Variants in VPS52 observed in about 807,000 individuals in gnomAD.
VPS52 encodes the protein VPS52 subunit of GARP complex.
VPS52 carries 56 observed loss-of-function variants against 98.7 expected under a neutral mutation model. The observed-to-expected ratio is 0.57, with a 90% CI of 0.46 to 0.71. The LOEUF (loss-of-function observed/expected upper bound fraction) is 0.71, where lower values mean the gene tolerates loss of function less well. VPS52 is among the 30% of genes least tolerant of loss of function. The pLI is 0.00. For missense variants in VPS52, 742 were observed against 925.9 expected (o/e 0.80, Z 2.58); for synonymous variants, 348 against 346.4 (o/e 1.00, Z -0.05).
In VPS52 at chr6:33,268,305, G is replaced by T; in HGVS notation, c.700-97C>A. 7.2e-7 allele frequency: 1 copy of T among 1,383,676 alleles called. No homozygotes were observed. Among genetic ancestry groups the T allele is most frequent in the Non-Finnish European group, 1.0e-6 (1 of 982,794 alleles). The allele number at this position is 1,383,676 out of a possible 1,614,324, so 85.7% of individuals were successfully genotyped here. A position where few individuals can be genotyped will look rare whatever the true frequency, so the allele number is the denominator to read the frequency against. ...CAACAAATGGTAAACATAGGCAGAAGGGTGGTGAATATCTCTTTGGTATTT... is the reference window on the plus strand; with the variant it reads ...CAACAAATGGTAAACATAGGCAGAATGGTGGTGAATATCTCTTTGGTATTT... On this transcript the variant is annotated intron_variant, in intron 7 of 19. Coordinates refer to ENST00000445902, the MANE Select transcript of VPS52 (RefSeq NM_022553.6). The surrounding 1 kb of genome is among the most constrained non-coding windows in gnomAD (Gnocchi z 4.0).
chr6:33,267,041 G>T lies in VPS52; in HGVS notation c.1125+147C>A. The T allele has an allele frequency of 1.7e-6, 2 of 1,178,572 alleles. No homozygotes were observed. The highest frequency in any genetic ancestry group is 2.3e-6 in the Non-Finnish European group (2 of 871,786). The allele number at this position is 1,178,572 out of a possible 1,614,324, so 73.0% of individuals were successfully genotyped here. A position where few individuals can be genotyped will look rare whatever the true frequency, so the allele number is the denominator to read the frequency against. Reference sequence around the variant, plus strand: ...TCCCAGCTCTTTTCACATCACAGCAGGCTGGAGTGATTGGAGAAGGCCACT... The same window carrying T: ...TCCCAGCTCTTTTCACATCACAGCATGCTGGAGTGATTGGAGAAGGCCACT... On this transcript the variant is annotated intron_variant, in intron 11 of 19. Transcript: ENST00000445902. This position sits in a 1 kb window ranked among gnomAD's most constrained non-coding sequence, Gnocchi z 4.2.
At chr6:33,252,081 C>T (rs1206798401) in intron 17 of VPS52, 110 bp from the exon 18 acceptor site, 7 of 875,810 alleles carry the variant, frequency 8.0e-6, no homozygotes, top group Non-Finnish European at 1.2e-5. Context: ...TCAGCTGCTG[C>T]AAAAGTTAAG....
In VPS52 at chr6:33,267,327, A is replaced by G; in HGVS notation, c.992-6T>C. 6.4e-7 allele frequency: 1 copy of G among 1,574,610 alleles called. No individual in the cohort carries two copies. Among genetic ancestry groups the G allele is most frequent in the East Asian group, 2.3e-5 (1 of 44,240 alleles). On this transcript the variant is annotated splice_polypyrimidine_tract_variant and splice_region_variant and intron_variant, in intron 10 of 19. Transcript: ENST00000445902. This position sits in a 1 kb window ranked among gnomAD's most constrained non-coding sequence, Gnocchi z 4.2. The stretch of plus-strand genomic sequence containing the variant: ...CGATGGCTTTGAGAAGAATCGTAAG[A>G]TGGGTCAGAGTCAGGGAAAACAATG...
At chr6:33,266,828 G>A (rs554306581) in intron 11 of VPS52, 116 bp from the exon 12 acceptor site, 2 of 1,333,996 alleles carry the variant, frequency 1.5e-6, no homozygotes, top group Non-Finnish European at 1.0e-6. Context: ...CAGACCCTTC[G>A]CATCTATCTA....
chr6:33,262,063 AAAG>A (rs1157374783), intron 17 of VPS52, among the ~76,000 whole-genome samples: 4 of 150,734 alleles, frequency 2.7e-5, no homozygotes, highest in Non-Finnish European at 1.5e-5. Flanking sequence ...AAAAAAAAAA[AAAG>A]CTTCTGCACA....
Position 33,271,807 on chromosome 6 carries a change from G to A in VPS52, c.-132C>T. Reference sequence around the variant, plus strand: ...ATTTGAGTTAAGTTGTTTGACTCCAGCTGTCCCCTTTCAGCTCTAACCACT... The same window carrying A: ...ATTTGAGTTAAGTTGTTTGACTCCAACTGTCCCCTTTCAGCTCTAACCACT... On this transcript the variant is annotated 5_prime_UTR_variant, in exon 1 of 20. Transcript: ENST00000445902. The A allele has an allele frequency of 6.9e-7, 1 of 1,452,740 alleles. No homozygotes were observed. The allele number at this position is 1,452,740 out of a possible 1,614,324, so 90.0% of individuals were successfully genotyped here.
At position 33,269,189 on chromosome 6, in the gene VPS52, G is replaced by A. The variant is rs148755872; in HGVS notation, c.373C>T (p.Arg125Ter). 6.2e-6 allele frequency: 10 copies of A among 1,612,896 alleles called. No homozygotes were observed. Among genetic ancestry groups the A allele is most frequent in the African/African-American group, 2.7e-5 (2 of 74,930 alleles). ...QITACDAVLE[R>*]MEQMLGAFQS... ...AAAGCTCCCAACATCTGCTCCATTC[G>A]CTGTAGGGAGGGTAGATGTTGCCGG... is the stretch of plus-strand genomic sequence containing the variant. Residue 125 changes from arginine to a stop codon, truncating the protein, a stop_gained and splice_region_variant, in exon 6 of 20, where the codon CGA becomes TGA. Coordinates refer to ENST00000445902, the MANE Select transcript of VPS52 (RefSeq NM_022553.6). LOFTEE classifies it high-confidence loss of function.
chr6:33,264,172 T>TA, intron 14 of VPS52, 69 bp from the exon 15 acceptor site: 2 of 1,582,724 alleles, frequency 1.3e-6, no homozygotes, highest in African/African-American at 1.3e-5. Context: ...CCAACTTCCT[T>TA]AGCCAACCCA....
At chr6:33,266,427 C>G in intron 12 of VPS52, 130 bp downstream of exon 12, 1 of 1,276,512 alleles carries the variant, frequency 7.8e-7, no homozygotes, top group East Asian at 2.4e-5. Flanking sequence ...ACTACCACGC[C>G]CAGCCAAGGC....
In VPS52 at chr6:33,264,428, G is replaced by A. The variant is rs750596630; in HGVS notation, c.1470C>T (p.Ser490=). 11 of 1,614,052 alleles carry A rather than the reference G, an allele frequency of 6.8e-6. No homozygotes were observed. The highest frequency in any genetic ancestry group is 3.3e-5 in the South Asian group (3 of 91,090). The change falls in exon 14 of 20, where the codon AGC becomes AGT. Residue 490 remains serine (S), a synonymous_variant. Coordinates refer to ENST00000445902, the MANE Select transcript of VPS52 (RefSeq NM_022553.6). ...GGCGCTGGGGGTCAGTGCTTCGGAC[G>A]CTCTGAACATTCATCTCCAGGATCA... is the stretch of plus-strand genomic sequence containing the variant. The part of the protein sequence containing the change: ...FELILEMNVQ[S]VRSTDPQRLG...
At chr6:33,257,603 G>C (rs1206938855) in intron 17 of VPS52, among the ~76,000 whole-genome samples, 1 of 151,794 alleles carries the variant, frequency 6.6e-6, no homozygotes, top group Non-Finnish European at 1.5e-5. Context: ...GTTTCACCAT[G>C]TTGGCCAGGA....
At chr6:33,255,451 A>G (rs1762816650) in intron 17 of VPS52, among the ~76,000 whole-genome samples, 1 of 141,854 alleles carries the variant, frequency 7.0e-6, no homozygotes, top group East Asian at 2.1e-4. Flanking sequence ...AATGCATGCC[A>G]CTACGCCTGG....
At chr6:33,271,270 A>C in intron 1 of VPS52, 1 of 616,008 alleles carries the variant, frequency 1.6e-6, no homozygotes, top group Non-Finnish European at 2.9e-6. Context: ...CCAAGGGCAC[A>C]CAGCGTGTAA....
chr6:33,252,869 G>C (rs1195115951), intron 17 of VPS52, among the ~76,000 whole-genome samples: 1 of 151,824 alleles, frequency 6.6e-6, no homozygotes, highest in Admixed American at 6.6e-5. Flanking sequence ...ATCACAAAGA[G>C]AGCCAAGAAG....
Position 33,250,772 on chromosome 6 carries a change from G to C in VPS52, c.*69C>G. 6.4e-7 allele frequency: 1 copy of C among 1,558,170 alleles called. No individual in the cohort carries two copies. The highest frequency in any genetic ancestry group is 8.7e-7 in the Non-Finnish European group (1 of 1,150,158). On this transcript the variant is annotated 3_prime_UTR_variant, in exon 20 of 20. Transcript: ENST00000445902. ...AACTGGAAGGGGTACCCCAGGTGAA[G>C]AAGGGTATGGAATGGGGTGCAGAAG...
In VPS52 at chr6:33,270,247, C is replaced by G; in HGVS notation, c.127G>C (p.Gly43Arg). 5 of 1,613,388 alleles carry G rather than the reference C, an allele frequency of 3.1e-6. No homozygotes were observed. The highest frequency in any genetic ancestry group is 4.2e-6 in the Non-Finnish European group (5 of 1,179,392). The change falls in exon 2 of 20, where the codon GGG (glycine) becomes CGG (arginine). Residue 43 changes from glycine (G) to arginine (R), a missense_variant. This residue lies in a region of VPS52 where 152 missense variants were observed against 132.6 expected (regional missense o/e 1.15). Transcript: ENST00000445902. Reference sequence around the variant, plus strand: ...TCATCAGAAGTGATATCCAACTCCCCAAGTTGCAGTGGTTCCTGGAGCCCA... The same window carrying G: ...TCATCAGAAGTGATATCCAACTCCCGAAGTTGCAGTGGTTCCTGGAGCCCA... ...GPGLQEPLQL[G>R]ELDITSDEFI...
At chr6:33,252,023 C>T (rs540682448) in intron 17 of VPS52, 52 bp from the exon 18 acceptor site, 2 of 1,501,482 alleles carry the variant, frequency 1.3e-6, no homozygotes, top group African/African-American at 2.7e-5. Context: ...AGCAGATTTG[C>T]CCAATTCTGG....
chr6:33,253,356 G>C (rs1011693857), intron 17 of VPS52, among the ~76,000 whole-genome samples: 1 of 151,942 alleles, frequency 6.6e-6, no homozygotes, highest in Non-Finnish European at 1.5e-5. Context: ...TGGGCGTGGT[G>C]GTGGGTGTCT....
chr6:33,253,569 T>C (rs1018880258), intron 17 of VPS52, among the ~76,000 whole-genome samples: 2 of 152,020 alleles, frequency 1.3e-5, no homozygotes, highest in African/African-American at 4.8e-5. Flanking sequence ...ATAATTTTTT[T>C]AAGTGTGATA....
Sources: gnomAD v4.1 joint callset for allele counts (sites outside exome capture counted in the v4.1 genomes callset) on GRCh38, gnomAD v4.1.1 for gene constraint, gnomAD v4.1.1 regional missense constraint, Gnocchi (gnomAD v3.1) non-coding constraint, MANE v1.5 for transcripts, NCBI Gene and HGNC (gene_info 2026-07-23, HGNC 2026-07-21) for gene names.